CSMD3: variants seen among roughly 807,000 people sequenced by gnomAD.
CSMD3 encodes CUB and sushi domain-containing protein 3.
In CSMD3, 177 loss-of-function variants were observed where a neutral mutation model predicts 435.2. The observed-to-expected ratio is 0.41, with a 90% CI of 0.36 to 0.46. The LOEUF (loss-of-function observed/expected upper bound fraction) is 0.46, where lower values mean the gene tolerates loss of function less well. CSMD3 is among the 20% of genes least tolerant of loss of function. CSMD3 has a pLI of 0.34. For missense variants in CSMD3, 4,265 were observed against 4,504.6 expected, an observed-to-expected ratio of 0.95 and a Z score of 1.52; for synonymous variants, 1,656 against 1,520.5, an observed-to-expected ratio of 1.09 and a Z score of -2.07.
At chr8:112,626,658 T>G (rs1164134373) in intron 22 of CSMD3, among the ~76,000 whole-genome samples, 1 of 152,110 alleles carries the variant, frequency 6.6e-6, no homozygotes, top group Non-Finnish European at 1.5e-5. Flanking sequence ...CAATTTCAAT[T>G]AAATCCTACC....
chr8:112,929,061 T>G (rs1172146305), intron 9 of CSMD3, among the ~76,000 whole-genome samples: 7 of 149,992 alleles, frequency 4.7e-5, no homozygotes, highest in Admixed American at 3.3e-4. Context: ...TTTTCTCATG[T>G]GTTTTTTGGC....
intron 54 of CSMD3, among the ~76,000 whole-genome samples, chr8:112,293,465 G>C (rs1267714907): frequency 6.6e-6 from 1 of 152,030 alleles, no homozygotes; most frequent in Non-Finnish European, 1.5e-5. Context: ...ATGTGTGCTT[G>C]TGAAGTAAAT....
At chr8:112,575,888 C>A (rs975201896) in intron 23 of CSMD3, among the ~76,000 whole-genome samples, 33 of 151,944 alleles carry the variant, frequency 2.2e-4, no homozygotes, top group Non-Finnish European at 7.4e-5. Flanking sequence ...TAAATAAATT[C>A]TTTGTTTAGA....
intron 3 of CSMD3, among the ~76,000 whole-genome samples, chr8:113,245,743 C>T (rs566645795): frequency 2.2e-4 from 34 of 151,982 alleles, no homozygotes; most frequent in Non-Finnish European, 4.4e-4. Flanking sequence ...TTTGTTTGGA[C>T]TTGAGTTACT....
At chr8:112,844,368 A>G (rs2080260532) in intron 11 of CSMD3, among the ~76,000 whole-genome samples, 1 of 151,962 alleles carries the variant, frequency 6.6e-6, no homozygotes, top group Admixed American at 6.6e-5. Context: ...TCCTTCTCCT[A>G]CCATAGTAGA....
At chr8:113,355,779 G>GTGTGTGTA (rs2132945906) in intron 1 of CSMD3, among the ~76,000 whole-genome samples, 1 of 114,556 alleles carries the variant, frequency 8.7e-6, no homozygotes, top group East Asian at 2.3e-4. Flanking sequence ...GGGTGTGTGT[G>GTGTGTGTA]TGTGTGTGTG....
chr8:112,933,430 T>C (rs924778368), intron 9 of CSMD3, among the ~76,000 whole-genome samples: 2 of 152,132 alleles, frequency 1.3e-5, no homozygotes, highest in African/African-American at 2.4e-5. Context: ...TACCTTACCA[T>C]GATTGTTAGA....
intron 30 of CSMD3, among the ~76,000 whole-genome samples, chr8:112,495,374 T>C (rs898968882): frequency 6.6e-6 from 1 of 152,196 alleles, no homozygotes; most frequent in Non-Finnish European, 1.5e-5. Context: ...TTTGAAGTTT[T>C]CCTCAATGTT....
chr8:113,328,730 C>CTTTTTTTTTTTTTT (rs1433804259), intron 1 of CSMD3, among the ~76,000 whole-genome samples: 2 of 64,020 alleles, frequency 3.1e-5, no homozygotes, highest in African/African-American at 1.5e-4. Context: ...TTCCTTCCTT[C>CTTTTTTTTTTTTTT]TTTTCTTTTT....
chr8:112,625,045 A>T (rs1244117964), intron 22 of CSMD3, among the ~76,000 whole-genome samples: 3 of 152,070 alleles, frequency 2.0e-5, no homozygotes, highest in Admixed American at 6.6e-5. Context: ...AGAGGAAAAA[A>T]AAAGAAAAGA....
chr8:112,785,250 G>A (rs1432406720), intron 13 of CSMD3, among the ~76,000 whole-genome samples: 1 of 151,364 alleles, frequency 6.6e-6, no homozygotes, highest in East Asian at 1.9e-4. Context: ...AGTATAGAAG[G>A]AACATACATC....
chr8:113,428,004 G>A (rs886639859), intron 1 of CSMD3, among the ~76,000 whole-genome samples: 2 of 151,588 alleles, frequency 1.3e-5, no homozygotes, highest in Non-Finnish European at 3.0e-5. Flanking sequence ...CTTACTTAAT[G>A]TGCTAGTTTT....
intron 5 of CSMD3, among the ~76,000 whole-genome samples, chr8:113,090,715 A>G (rs2089973908): frequency 6.6e-6 from 1 of 152,102 alleles, no homozygotes; most frequent in African/African-American, 2.4e-5. Flanking sequence ...TGTTATGCTT[A>G]CATATAAGTT....
intron 10 of CSMD3, among the ~76,000 whole-genome samples, chr8:112,913,970 C>T (rs559650438): frequency 1.3e-4 from 19 of 151,926 alleles, no homozygotes; most frequent in African/African-American, 4.3e-4. Context: ...CTGTTTTTCC[C>T]ACTGGAGTAG....
chr8:112,965,736 C>T (rs1245192589), intron 7 of CSMD3, among the ~76,000 whole-genome samples: 6 of 151,864 alleles, frequency 4.0e-5, no homozygotes, highest in Admixed American at 3.3e-4. Context: ...AACCCGTTAA[C>T]AAGTAAATTC....
intron 23 of CSMD3, among the ~76,000 whole-genome samples, chr8:112,581,282 G>A (rs1563729015): frequency 6.6e-6 from 1 of 151,940 alleles, no homozygotes; most frequent in African/African-American, 2.4e-5. Context: ...AGGTTTACCT[G>A]TCCCTAAAGC....
chr8:113,394,289 G>A (rs1291500310), intron 1 of CSMD3, among the ~76,000 whole-genome samples: 1 of 151,766 alleles, frequency 6.6e-6, no homozygotes, highest in East Asian at 1.9e-4. Flanking sequence ...ATATGTACAT[G>A]CACTGTGAAT....
rs1296707891 is a variant in CSMD3, at chr8:112,224,484, A to G, written c.*287T>C. 1 of 422,756 alleles carries G rather than the reference A, an allele frequency of 2.4e-6. No homozygotes were observed. The highest frequency in any genetic ancestry group is 5.2e-5 in the East Asian group (1 of 19,376). 26.2% of individuals were successfully genotyped at this position (422,756 alleles called of 1,614,324 possible). ...AATACTGATAGTGGATGCTCCTCCA[A>G]TATATGCAAATAAGTTTATATTTTA... On this transcript the variant is annotated 3_prime_UTR_variant, in exon 71 of 71. Transcript: ENST00000297405.
intron 35 of CSMD3, among the ~76,000 whole-genome samples, chr8:112,404,779 G>A (rs1301427381): frequency 6.6e-6 from 1 of 151,946 alleles, no homozygotes; most frequent in Non-Finnish European, 1.5e-5. Context: ...TGTCTATTAT[G>A]TGTCAATATA....
Sources: allele counts gnomAD v4.1 joint callset (sites outside exome capture counted in the v4.1 genomes callset), GRCh38; gene constraint gnomAD v4.1.1; transcripts MANE v1.5; gene names NCBI Gene and HGNC (gene_info 2026-07-23, HGNC 2026-07-21).